Variants in TAF6 observed in about 807,000 individuals in gnomAD.
TAF6 encodes the protein transcription initiation factor TFIID subunit 6.
In TAF6, 50 loss-of-function variants were observed where a neutral mutation model predicts 73.5. That is an observed-to-expected ratio of 0.68 (90% confidence interval 0.54 to 0.86). TAF6 has a LOEUF of 0.86. Among genes scored for constraint, TAF6 ranks in the 40% least tolerant of loss-of-function variants. The pLI, the probability that TAF6 is intolerant of heterozygous loss-of-function variation, is 0.00. For missense variants in TAF6, 768 were observed against 899.5 expected (o/e 0.85, Z 1.87); for synonymous variants, 424 against 376.7 (o/e 1.13, Z -1.45).
chr7:100,122,888 C>T (rs1798112264), upstream of TAF6: 1 of 1,612,982 alleles, frequency 6.2e-7, no homozygotes, highest in Admixed American at 1.7e-5. Context: ...GCGTGGAGGT[C>T]ACATACCTCA....
At position 100,112,934 on chromosome 7, in the gene TAF6, C is replaced by T. The variant is rs1289578398; in HGVS notation, c.455-17G>A. ...CTTTGGGAGCTGGTGGGAAAGCAGG[C>T]ACAGCGGGAGGGGTGATGAGCATAG... On this transcript the variant is annotated splice_polypyrimidine_tract_variant and intron_variant, in intron 5 of 14. Coordinates refer to ENST00000453269, the MANE Select transcript of TAF6 (RefSeq NM_139315.3). The T allele has an allele frequency of 6.2e-7, 1 of 1,607,218 alleles. No individual in the cohort carries two copies. The highest frequency in any genetic ancestry group is 8.5e-7 in the Non-Finnish European group (1 of 1,177,104).
chr7:100,112,044 A>G (rs756962492), intron 7 of TAF6, 45 bp from the exon 8 acceptor site: 1 of 1,613,544 alleles, frequency 6.2e-7, no homozygotes, highest in Non-Finnish European at 8.5e-7. Flanking sequence ...GGATGTGGGG[A>G]GCAATTCATA....
chr7:100,116,123 C>T (rs902593550), intron 1 of TAF6, among the ~76,000 whole-genome samples: 3 of 152,212 alleles, frequency 2.0e-5, no homozygotes, highest in Admixed American at 2.0e-4. Flanking sequence ...CTATTCCTAA[C>T]GTTGCAGCCA....
At chr7:100,117,734 G>C (rs1369906095) in intron 1 of TAF6, among the ~76,000 whole-genome samples, 1 of 151,974 alleles carries the variant, frequency 6.6e-6, no homozygotes, top group Non-Finnish European at 1.5e-5. Flanking sequence ...CAAGCTTTGA[G>C]CCTACACTGT....
At chr7:100,114,477 T>A in intron 1 of TAF6, 1 of 619,032 alleles carries the variant, frequency 1.6e-6, no homozygotes, top group Non-Finnish European at 2.9e-6. Flanking sequence ...ACCAGCACTT[T>A]GGGAGGACGA....
chr7:100,119,527 C>T (rs928164441), upstream of TAF6: 3 of 1,348,412 alleles, frequency 2.2e-6, no homozygotes, highest in South Asian at 1.5e-5. Flanking sequence ...TTTATTCCTT[C>T]ACTACCCGGC....
Position 100,107,155 on chromosome 7 carries a change from A to G in TAF6, c.*91T>C. The stretch of plus-strand genomic sequence containing the variant: ...AGTGACATGAAGGAAGCAATCTACA[A>G]CTTCCTTCCGCTTAGCGAGCATGCA... On this transcript the variant is annotated 3_prime_UTR_variant, in exon 15 of 15. Coordinates refer to ENST00000453269, the MANE Select transcript of TAF6 (RefSeq NM_139315.3). The G allele has an allele frequency of 6.8e-7, 1 of 1,479,990 alleles. No individual in the cohort carries two copies. Among genetic ancestry groups the G allele is most frequent in the Non-Finnish European group, 9.0e-7 (1 of 1,108,432 alleles). The allele number at this position is 1,479,990 out of a possible 1,614,324, so 91.7% of individuals were successfully genotyped here.
intron 11 of TAF6, 29 bp downstream of exon 11, chr7:100,110,171 C>A: frequency 6.2e-7 from 1 of 1,614,054 alleles, no homozygotes; most frequent in Non-Finnish European, 8.5e-7. Flanking sequence ...TGTGTCCCCT[C>A]CCCCATTTCT....
intron 1 of TAF6, 78 bp downstream of exon 1, chr7:100,119,126 G>A: frequency 1.0e-6 from 1 of 986,608 alleles, no homozygotes; most frequent in Non-Finnish European, 1.2e-6. Context: ...GGTTCAGAGA[G>A]CCCACCCCAT....
rs1351278822 is a variant in TAF6 at position 100,113,716 on chromosome 7, AC to A, written c.296del (p.Gly99ValfsTer16). The A allele has an allele frequency of 6.2e-7, 1 of 1,613,826 alleles. No individual in the cohort carries two copies. The highest frequency in any genetic ancestry group is 8.5e-7 in the Non-Finnish European group (1 of 1,180,006). On this transcript the variant is annotated frameshift_variant, in exon 4 of 15. Coordinates refer to ENST00000453269, the MANE Select transcript of TAF6 (RefSeq NM_139315.3). LOFTEE classifies it high-confidence loss of function. ...QEFIPFRFAS[G>X]GGRELYFYEE... Reference sequence around the variant, plus strand: ...CATAGAAGTAAAGCTCCCGGCCCCCACCAGAGGCGAAGCGGAAAGGAATGAA... The same window carrying A: ...CATAGAAGTAAAGCTCCCGGCCCCCACAGAGGCGAAGCGGAAAGGAATGAA...
At chr7:100,122,077 C>A, upstream of TAF6, 1 of 542,548 alleles carries the variant, frequency 1.8e-6, no homozygotes, top group Non-Finnish European at 3.1e-6. Context: ...GATGAAGAAA[C>A]CGAGGCACAG....
At chr7:100,125,863 G>A in the TAF6 span, among the ~76,000 whole-genome samples, 1 of 152,062 alleles carries the variant, frequency 6.6e-6, no homozygotes, top group Non-Finnish European at 1.5e-5. Context: ...GGCCAACATG[G>A]AGAAACCTCG....
At chr7:100,121,108 ATATATATATTTTTTTTTTTTTTTTTTT>A (rs1359882428), upstream of TAF6, 4 of 17,896 alleles carry the variant, frequency 2.2e-4, no homozygotes, top group Admixed American at 4.7e-4. Context: ...ATATATATAT[ATATATATATTTTTTTTTTTTTTTTTTT>A]TTTTTTTTTT....
At chr7:100,122,940 A>G, upstream of TAF6, 1 of 1,586,022 alleles carries the variant, frequency 6.3e-7, no homozygotes, top group African/African-American at 1.3e-5. Context: ...CAGGGAGGTG[A>G]GAAGGGAACC....
At chr7:100,124,313 C>G, upstream of TAF6, 1 of 543,752 alleles carries the variant, frequency 1.8e-6, no homozygotes, top group Non-Finnish European at 3.3e-6. Context: ...AGCTGAGACT[C>G]AAGAGTTTAA....
Position 100,111,721 on chromosome 7 carries a change from C to G in TAF6, c.900+7G>C. 6.2e-7 allele frequency: 1 copy of G among 1,613,924 alleles called. No individual in the cohort carries two copies. The highest frequency in any genetic ancestry group is 8.5e-7 in the Non-Finnish European group (1 of 1,179,848). On this transcript the variant is annotated splice_region_variant and intron_variant, in intron 9 of 14. Transcript: ENST00000453269. ...CCCTGGAAGGGAGGATGGGCAGGAT[C>G]ACTCACGTATTTTTCTAGATAGAGC...
At chr7:100,122,304 C>G, upstream of TAF6, 1 of 1,614,084 alleles carries the variant, frequency 6.2e-7, no homozygotes, top group Non-Finnish European at 8.5e-7. Flanking sequence ...CTGAGTCGCA[C>G]CGGTCGATCT....
upstream of TAF6, chr7:100,122,815 G>T: frequency 6.2e-7 from 1 of 1,613,992 alleles, no homozygotes; most frequent in Non-Finnish European, 8.5e-7. Flanking sequence ...ACACTGAAAG[G>T]CCTAGTGCAG....
chr7:100,122,645 C>G, upstream of TAF6: 3 of 1,515,594 alleles, frequency 2.0e-6, no homozygotes, highest in Non-Finnish European at 1.8e-6. Context: ...TGAGGCCCTC[C>G]AGAGGTTATC....
Sources: allele counts gnomAD v4.1 joint callset (sites outside exome capture counted in the v4.1 genomes callset), GRCh38; gene constraint gnomAD v4.1.1; transcripts MANE v1.5; gene names NCBI Gene and HGNC (gene_info 2026-07-23, HGNC 2026-07-21).